Variants in CACNA2D3 observed in about 807,000 individuals in gnomAD.
CACNA2D3 encodes the protein calcium voltage-gated channel auxiliary subunit alpha2delta 3.
In CACNA2D3, 60 loss-of-function variants were observed where a neutral mutation model predicts 160.6. The ratio of observed to expected loss-of-function variants is 0.37; its 90% CI spans 0.30 to 0.46. CACNA2D3 has a LOEUF of 0.46. CACNA2D3 is among the 20% of genes least tolerant of loss of function. CACNA2D3 has a pLI of 1.00. For missense variants in CACNA2D3, 1,205 were observed against 1,365.0 expected (o/e 0.88, Z 1.85); for synonymous variants, 558 against 492.9 (o/e 1.13, Z -1.75).
At position 54,376,608 on chromosome 3, in the gene CACNA2D3, GC is replaced by G. The variant is rs530248763; in HGVS notation, c.322-10105del. On this transcript the variant is annotated intron_variant, in intron 3 of 37. Transcript: ENST00000474759. Reference sequence around the variant, plus strand: ...CCCACGCCACATTATCTAGTTATTTGCCTCTTCTCCCAACTGAACTGTGTGA... The same window carrying G: ...CCCACGCCACATTATCTAGTTATTTGCTCTTCTCCCAACTGAACTGTGTGA... Among the ~76,000 whole-genome samples the G allele has an allele frequency of 3.5e-4, 53 of 152,240 alleles. No homozygotes were observed. The Middle Eastern group carries it at 0.01, about 29-fold the overall frequency.
intron 17 of CACNA2D3, among the ~76,000 whole-genome samples, chr3:54,866,324 G>C (rs1194629114): frequency 2.6e-5 from 4 of 152,184 alleles, no homozygotes; most frequent in Non-Finnish European, 5.9e-5. Context: ...CCCTTCTCCT[G>C]AAATGGTCCC....
intron 9 of CACNA2D3, among the ~76,000 whole-genome samples, chr3:54,607,951 C>T (rs1020468475): frequency 6.6e-6 from 1 of 152,106 alleles, no homozygotes; most frequent in African/African-American, 2.4e-5. Flanking sequence ...ATGACATTCT[C>T]AAAATAAAAT....
At chr3:54,154,152 A>G (rs1700199281) in intron 2 of CACNA2D3, among the ~76,000 whole-genome samples, 1 of 152,262 alleles carries the variant, frequency 6.6e-6, no homozygotes, top group South Asian at 2.1e-4. Context: ...TTTTACATCC[A>G]GATACTTATT....
At chr3:54,841,962 C>T (rs1698828968) in intron 16 of CACNA2D3, among the ~76,000 whole-genome samples, 1 of 152,214 alleles carries the variant, frequency 6.6e-6, no homozygotes, top group Non-Finnish European at 1.5e-5. Context: ...TTCTCCATTA[C>T]TCCATGGCAC....
intron 11 of CACNA2D3, among the ~76,000 whole-genome samples, chr3:54,682,217 G>A (rs1243913338): frequency 1.3e-5 from 2 of 151,520 alleles, no homozygotes; most frequent in African/African-American, 2.4e-5. Context: ...GTAATGTCAT[G>A]ATAACAAAAG....
At chr3:54,864,171 T>C (rs77185693) in intron 17 of CACNA2D3, among the ~76,000 whole-genome samples, 3,579 of 152,288 alleles carry the variant, frequency 0.024, 143 homozygotes, top group African/African-American at 0.081. Context: ...AAGGGTTCCC[T>C]GAGGCCCTGA....
intron 4 of CACNA2D3, among the ~76,000 whole-genome samples, chr3:54,466,564 A>G (rs970093336): frequency 1.3e-5 from 2 of 152,144 alleles, no homozygotes; most frequent in African/African-American, 4.8e-5. Flanking sequence ...TGCAAGTGTT[A>G]TTCATATATT....
At chr3:54,530,050 G>A (rs1398567457) in intron 5 of CACNA2D3, among the ~76,000 whole-genome samples, 1 of 152,172 alleles carries the variant, frequency 6.6e-6, no homozygotes, top group African/African-American at 2.4e-5. Flanking sequence ...GCAGCTTGCA[G>A]GAAAGAGCTG....
Position 54,965,497 on chromosome 3 carries a change from T to G in CACNA2D3, c.2450-2953T>G, listed in dbSNP as rs188541949. On this transcript the variant is annotated intron_variant, in intron 27 of 37. Coordinates refer to ENST00000474759, the MANE Select transcript of CACNA2D3 (RefSeq NM_018398.3). ...TCACCAGGCCAAGTCAGCCCCATTC[T>G]CTGCACGCTCCAGTTCTTTATGCCT... Among the ~76,000 whole-genome samples the G allele has an allele frequency of 9.2e-4, 140 of 152,330 alleles. 3 individuals carry two copies. The South Asian group carries it at 0.012, about 13-fold the overall frequency.
chr3:54,650,360 T>C (rs893621935), intron 11 of CACNA2D3, among the ~76,000 whole-genome samples: 4 of 151,454 alleles, frequency 2.6e-5, no homozygotes, highest in African/African-American at 9.7e-5. Flanking sequence ...CCACCACACC[T>C]GGCTAATTTT....
intron 13 of CACNA2D3, among the ~76,000 whole-genome samples, chr3:54,788,149 A>T (rs141897902): frequency 6.6e-6 from 1 of 152,140 alleles, no homozygotes; most frequent in African/African-American, 2.4e-5. Flanking sequence ...ATTTTCTTTT[A>T]TCTTTTAACT....
intron 16 of CACNA2D3, among the ~76,000 whole-genome samples, chr3:54,844,580 T>C (rs989037441): frequency 2.6e-5 from 4 of 152,096 alleles, no homozygotes; most frequent in Non-Finnish European, 4.4e-5. Flanking sequence ...ATCTCTCTAT[T>C]CCAACCACCC....
chr3:54,785,573 T>C (rs1702623959), intron 13 of CACNA2D3, among the ~76,000 whole-genome samples: 1 of 152,260 alleles, frequency 6.6e-6, no homozygotes, highest in African/African-American at 2.4e-5. Context: ...AAATTGCTTC[T>C]CTTTGTCTAC....
chr3:54,941,884 G>A (rs1039464376), intron 27 of CACNA2D3, among the ~76,000 whole-genome samples: 12 of 152,102 alleles, frequency 7.9e-5, no homozygotes, highest in South Asian at 2.1e-4. Context: ...CACCTGTCTC[G>A]GCTGTAGTAA....
At chr3:54,762,510 C>T (rs954699621) in intron 12 of CACNA2D3, among the ~76,000 whole-genome samples, 4 of 152,116 alleles carry the variant, frequency 2.6e-5, no homozygotes, top group African/African-American at 7.2e-5. Flanking sequence ...ACTGCCAGGC[C>T]CCAGGGGGGG....
chr3:54,665,691 G>C (rs923789749), intron 11 of CACNA2D3, among the ~76,000 whole-genome samples: 1 of 151,920 alleles, frequency 6.6e-6, no homozygotes, highest in Non-Finnish European at 1.5e-5. Context: ...CAAAGGGAAA[G>C]AGTTCTTTGG....
chr3:54,992,525 G>C (rs1272098445), intron 31 of CACNA2D3, among the ~76,000 whole-genome samples: 1 of 152,080 alleles, frequency 6.6e-6, no homozygotes, highest in Non-Finnish European at 1.5e-5. Flanking sequence ...GGTCCTCTCT[G>C]ATCCACAACT....
At chr3:54,981,670 C>T (rs1702511006) in intron 29 of CACNA2D3, among the ~76,000 whole-genome samples, 1 of 152,204 alleles carries the variant, frequency 6.6e-6, no homozygotes, top group South Asian at 2.1e-4. Flanking sequence ...GCTGGCTGGA[C>T]CACAGCCCTG....
chr3:54,425,719 G>T (rs1367191580), intron 4 of CACNA2D3, among the ~76,000 whole-genome samples: 1 of 152,212 alleles, frequency 6.6e-6, no homozygotes, highest in African/African-American at 2.4e-5. Flanking sequence ...GCTTGTGTCA[G>T]TGAACCAGCA....
Sources: allele counts gnomAD v4.1 joint callset (sites outside exome capture counted in the v4.1 genomes callset), GRCh38; gene constraint gnomAD v4.1.1; transcripts MANE v1.5; gene names NCBI Gene and HGNC (gene_info 2026-07-23, HGNC 2026-07-21).